The following BFAR variants were observed in gnomAD, a reference collection of about 807,000 sequenced individuals.
BFAR encodes RING finger protein 47.
Under a neutral mutation model 54.4 loss-of-function variants are expected in BFAR, and 52 were observed. That is an observed-to-expected ratio of 0.96 (90% CI 0.77 to 1.21). The LOEUF (loss-of-function observed/expected upper bound fraction) is 1.21, where lower values mean the gene tolerates loss of function less well. Ranked by LOEUF, BFAR falls within the 50% of genes most tolerant of loss-of-function variation. The pLI is 0.00. For missense variants in BFAR, 571 were observed against 534.0 expected (o/e 1.07, Z -0.68); for synonymous variants, 215 against 204.3 (o/e 1.05, Z -0.45).
intron 1 of BFAR, 98 bp from the exon 2 acceptor site, chr16:14,644,176 A>T (rs1959713607): frequency 2.7e-6 from 2 of 736,520 alleles, no homozygotes; most frequent in South Asian, 1.9e-5. Flanking sequence ...AAAAAAAAAA[A>T]AAAATTAGCG....
At chr16:14,664,473 G>A (rs1262547505) in intron 6 of BFAR, among the ~76,000 whole-genome samples, 2 of 151,462 alleles carry the variant, frequency 1.3e-5, no homozygotes, top group Non-Finnish European at 2.9e-5. Flanking sequence ...GTGTGTGTGT[G>A]TGGTAATCAA....
chr16:14,644,601 T>C lies in BFAR; in HGVS notation c.255T>C (p.Ile85=). 3 of 1,612,686 alleles carry C rather than the reference T, an allele frequency of 1.9e-6. No homozygotes were observed. Among genetic ancestry groups the C allele is most frequent in the Non-Finnish European group, 2.5e-6 (3 of 1,179,946 alleles). The change falls in exon 2 of 8, where the codon ATT becomes ATC. Residue 85 remains isoleucine, a synonymous_variant. Coordinates refer to ENST00000261658, the MANE Select transcript of BFAR (RefSeq NM_016561.3). ...EKWEGFPKVS[I]LLRDAIEKLF... ...GGGAAGGTTTCCCCAAAGTCAGTAT[T>C]CTCCTCAGGTAATGTTCAGCCTATA...
At chr16:14,653,257 C>CT (rs1960025554) in intron 4 of BFAR, among the ~76,000 whole-genome samples, 1 of 152,136 alleles carries the variant, frequency 6.6e-6, no homozygotes, top group South Asian at 2.1e-4. Flanking sequence ...CTCCGGCCAG[C>CT]TTACAGTGAT....
At chr16:14,649,323 G>A (rs1053407233) in intron 3 of BFAR, among the ~76,000 whole-genome samples, 10 of 152,030 alleles carry the variant, frequency 6.6e-5, no homozygotes, top group South Asian at 4.1e-4. Flanking sequence ...TGATCCACCC[G>A]CCTCAGACTC....
At chr16:14,650,256 A>G in intron 4 of BFAR, 3 of 260,584 alleles carry the variant, frequency 1.2e-5, no homozygotes, top group Non-Finnish European at 2.2e-5. Flanking sequence ...CTTGAACCCA[A>G]GAGGTGGAGG....
intron 1 of BFAR, among the ~76,000 whole-genome samples, chr16:14,640,183 AGG>A (rs1372309482): frequency 6.6e-6 from 1 of 151,710 alleles, no homozygotes; most frequent in East Asian, 1.9e-4. Context: ...AGAGAGAGAG[AGG>A]AAAGCTCGAA....
chr16:14,663,599 G>A (rs1960354583), intron 6 of BFAR, among the ~76,000 whole-genome samples: 1 of 151,984 alleles, frequency 6.6e-6, no homozygotes, highest in Admixed American at 6.6e-5. Context: ...CCAAAGTGCT[G>A]GGATTACAGG....
At chr16:14,651,908 A>G (rs926502448) in intron 4 of BFAR, among the ~76,000 whole-genome samples, 5 of 114,426 alleles carry the variant, frequency 4.4e-5, no homozygotes, top group Admixed American at 1.0e-4. Context: ...TTTTTTTTAG[A>G]TGGAGTCTCG....
intron 1 of BFAR, among the ~76,000 whole-genome samples, chr16:14,635,638 A>G (rs1959409336): frequency 6.6e-6 from 1 of 152,170 alleles, no homozygotes; most frequent in Non-Finnish European, 1.5e-5. Flanking sequence ...GCAGCAAGTC[A>G]GCATCTAGAG....
rs1264060344 is a variant in BFAR, at chr16:14,641,811, C to G, written c.-73-2463C>G. Among the ~76,000 whole-genome samples the G allele has an allele frequency of 4.0e-5, 6 of 151,608 alleles. No homozygotes were observed. In the East Asian group the frequency reaches 9.8e-4, roughly 25 times the overall value. The stretch of plus-strand genomic sequence containing the variant: ...CAGGAGGTGGAGATTGCAGTGAGCT[C>G]AGGTTGTGCTATTGCACTCCAGCCT... On this transcript the variant is annotated intron_variant, in intron 1 of 7. Coordinates refer to ENST00000261658, the MANE Select transcript of BFAR (RefSeq NM_016561.3).
At position 14,667,886 on chromosome 16, in the gene BFAR, A is replaced by T; in HGVS notation, c.*59A>T. The T allele has an allele frequency of 6.5e-7, 1 of 1,531,778 alleles. No individual in the cohort carries two copies. The highest frequency in any genetic ancestry group is 9.0e-7 in the Non-Finnish European group (1 of 1,112,812). The allele number at this position is 1,531,778 out of a possible 1,614,324, so 94.9% of individuals were successfully genotyped here. A position where few individuals can be genotyped will look rare whatever the true frequency, so the allele number is the denominator to read the frequency against. On this transcript the variant is annotated 3_prime_UTR_variant, in exon 8 of 8. Coordinates refer to ENST00000261658, the MANE Select transcript of BFAR (RefSeq NM_016561.3). ...CGCTGACGTCTGAGCTTTGATGCTT[A>T]AGAGGGGTGAGGCAGGGAGCGGACT...
intron 6 of BFAR, among the ~76,000 whole-genome samples, chr16:14,664,266 A>G (rs1389697143): frequency 2.0e-5 from 3 of 151,826 alleles, no homozygotes; most frequent in African/African-American, 7.3e-5. Context: ...GATTTATGGT[A>G]AGTACGAGAA....
chr16:14,644,739 T>G (rs1040805849), intron 2 of BFAR, 130 bp downstream of exon 2: 1 of 1,152,626 alleles, frequency 8.7e-7, no homozygotes, highest in Non-Finnish European at 1.2e-6. Flanking sequence ...ACTCCTGACC[T>G]CAAGTGATCC....
At position 14,655,216 on chromosome 16, in the gene BFAR, C is replaced by T; in HGVS notation, c.783+6C>T. On this transcript the variant is annotated splice_donor_region_variant and intron_variant, in intron 5 of 7. Transcript: ENST00000261658. ...AGAATCTCTGGGAATATAAGGTGAA[C>T]ACTTTAATTTTTTTTTTTTTTTTTT... 1.5e-6 allele frequency: 2 copies of T among 1,364,668 alleles called. No homozygotes were observed. Among genetic ancestry groups the T allele is most frequent in the Non-Finnish European group, 1.9e-6 (2 of 1,039,598 alleles). The allele number at this position is 1,364,668 out of a possible 1,614,324, so 84.5% of individuals were successfully genotyped here.
At chr16:14,634,289 T>G (rs1215485204) in intron 1 of BFAR, among the ~76,000 whole-genome samples, 3 of 152,240 alleles carry the variant, frequency 2.0e-5, no homozygotes, top group Non-Finnish European at 4.4e-5. Context: ...GCTGCTGTTT[T>G]CTCAACATCC....
At chr16:14,661,570 T>C (rs1960288910) in intron 5 of BFAR, among the ~76,000 whole-genome samples, 2 of 151,910 alleles carry the variant, frequency 1.3e-5, no homozygotes, top group Non-Finnish European at 2.9e-5. Flanking sequence ...GCCCAGCTAA[T>C]TTTTTTATTT....
At chr16:14,641,878 A>G (rs1334196608) in intron 1 of BFAR, among the ~76,000 whole-genome samples, 1 of 152,168 alleles carries the variant, frequency 6.6e-6, no homozygotes, top group African/African-American at 2.4e-5. Flanking sequence ...TAAAATAAAA[A>G]TCAAGTGAAT....
chr16:14,653,710 ACTC>A (rs1434581735), intron 4 of BFAR, among the ~76,000 whole-genome samples: 1 of 151,674 alleles, frequency 6.6e-6, no homozygotes, highest in Non-Finnish European at 1.5e-5. Context: ...TAAAACAACT[ACTC>A]TTTTTTCTTC....
rs1258566317 is a variant in BFAR, at chr16:14,667,625, C to G, written c.1161-10C>G. The G allele has an allele frequency of 1.2e-6, 2 of 1,611,452 alleles. No individual in the cohort carries two copies. Among genetic ancestry groups the G allele is most frequent in the Non-Finnish European group, 1.7e-6 (2 of 1,178,812 alleles). Reference sequence around the variant, plus strand: ...CGCCTCCGATTCAGCCTCTTCTCTTCTTGTTTCAGGACCGTGCCTCAGAGG... The same window carrying G: ...CGCCTCCGATTCAGCCTCTTCTCTTGTTGTTTCAGGACCGTGCCTCAGAGG... On this transcript the variant is annotated splice_polypyrimidine_tract_variant and intron_variant, in intron 7 of 7. Transcript: ENST00000261658.
Sources: allele counts gnomAD v4.1 joint callset (sites outside exome capture counted in the v4.1 genomes callset), GRCh38; gene constraint gnomAD v4.1.1; transcripts MANE v1.5; gene names NCBI Gene and HGNC (gene_info 2026-07-23, HGNC 2026-07-21).